KALRN: variants seen among roughly 807,000 people sequenced by gnomAD.
KALRN encodes kalirin RhoGEF kinase.
KALRN carries 70 observed loss-of-function variants against 353.7 expected under a neutral mutation model. That is an observed-to-expected ratio of 0.20 (90% confidence interval 0.16 to 0.24). The LOEUF (loss-of-function observed/expected upper bound fraction) is 0.24, where lower values mean the gene tolerates loss of function less well. Among genes scored for constraint, KALRN ranks in the 10% least tolerant of loss-of-function variants. KALRN has a pLI of 1.00. For missense variants in KALRN, 2,791 were observed against 3,756.7 expected, an observed-to-expected ratio of 0.74 and a Z score of 6.72; for synonymous variants, 1,391 against 1,434.8, an observed-to-expected ratio of 0.97 and a Z score of 0.69.
chr3:124,420,111 C>G (rs1444335051), intron 14 of KALRN, among the ~76,000 whole-genome samples: 1 of 152,198 alleles, frequency 6.6e-6, no homozygotes, highest in Non-Finnish European at 1.5e-5. Flanking sequence ...TGCAGAGGTG[C>G]AATAAGCACT....
chr3:124,632,679 C>T lies in KALRN; in HGVS notation c.5442C>T (p.Thr1814=). 1 of 1,614,154 alleles carries T rather than the reference C, an allele frequency of 6.2e-7. No individual in the cohort carries two copies. Among genetic ancestry groups the T allele is most frequent in the Non-Finnish European group, 8.5e-7 (1 of 1,180,004 alleles). Residue 1814 remains threonine, a synonymous_variant, in exon 35 of 60, where the codon ACC becomes ACT. Transcript: ENST00000682506. The part of the protein sequence containing the change: ...LGSPKPGDET[T]PQGDSADESK... ...CTCCCAAGCCTGGGGATGAAACAAC[C>T]CCTCAGGGAGACAGCGCTGATGAGG...
In KALRN at chr3:124,308,517, T is replaced by C. The variant is rs560927592; in HGVS notation, c.1092+9604T>C. ...AATTAGAAATCGGTAACAGAAAGAA[T>C]TTCAGAAATTCACGAATAGGTGGAA... On this transcript the variant is annotated intron_variant, in intron 6 of 59. Transcript: ENST00000682506. 2.6e-5 allele frequency among the ~76,000 whole-genome samples: 4 copies of C among 152,030 alleles called. 1 individual carries two copies. The highest frequency in any genetic ancestry group is 9.6e-5 in the African/African-American group (4 of 41,538).
intron 36 of KALRN, among the ~76,000 whole-genome samples, chr3:124,636,227 A>G (rs796254262): frequency 2.0e-5 from 3 of 152,330 alleles, no homozygotes; most frequent in African/African-American, 7.2e-5. Flanking sequence ...GAAGGAGCCT[A>G]TGTCCTGGCC....
Position 124,192,236 on chromosome 3 carries a change from C to T in KALRN, c.74-35754C>T, listed in dbSNP as rs180755427. 2.4e-4 allele frequency among the ~76,000 whole-genome samples: 37 copies of T among 152,302 alleles called. No homozygotes were observed. The East Asian group carries it at 6.9e-3, about 29-fold the overall frequency. On this transcript the variant is annotated intron_variant, in intron 1 of 59. Coordinates refer to ENST00000682506, the MANE Select transcript of KALRN (RefSeq NM_001388419.1). Reference sequence around the variant, plus strand: ...GTCATTTGCAACAACATGGATGGAACTGGAGGCCATTATGTTAAGTGAAAT... The same window carrying T: ...GTCATTTGCAACAACATGGATGGAATTGGAGGCCATTATGTTAAGTGAAAT...
chr3:124,065,460 A>C (rs921894343), intron 1 of KALRN, among the ~76,000 whole-genome samples: 1 of 152,202 alleles, frequency 6.6e-6, no homozygotes, highest in African/African-American at 2.4e-5. Context: ...TAAGAGATTC[A>C]TATTGTAGTA....
At chr3:124,232,882 G>GAA (rs201346262) in intron 2 of KALRN, among the ~76,000 whole-genome samples, 8 of 147,570 alleles carry the variant, frequency 5.4e-5, no homozygotes, top group Non-Finnish European at 1.0e-4. Context: ...GTCAGACAGG[G>GAA]AAAAAAAAAA....
chr3:124,458,138 T>C (rs2059508013), intron 23 of KALRN, among the ~76,000 whole-genome samples: 1 of 151,968 alleles, frequency 6.6e-6, no homozygotes. Context: ...TAGCCGGGCA[T>C]GGTAGCACAC....
intron 11 of KALRN, among the ~76,000 whole-genome samples, chr3:124,391,265 G>A (rs958666774): frequency 2.6e-5 from 4 of 152,080 alleles, no homozygotes; most frequent in African/African-American, 9.7e-5. Context: ...TTTCTGGGGA[G>A]GGGGTGGGTT....
intron 26 of KALRN, among the ~76,000 whole-genome samples, chr3:124,475,455 A>G (rs887240519): frequency 1.3e-5 from 2 of 152,194 alleles, no homozygotes; most frequent in Non-Finnish European, 2.9e-5. Flanking sequence ...ACAATATATG[A>G]ATGCAAACAT....
intron 34 of KALRN, among the ~76,000 whole-genome samples, chr3:124,597,067 AAC>A: frequency 7.5e-6 from 1 of 134,190 alleles, no homozygotes; most frequent in East Asian, 2.7e-4. Flanking sequence ...CAAAAACAAA[AAC>A]ACAAACAAAA....
At chr3:124,448,411 A>G (rs1472670442) in intron 21 of KALRN, among the ~76,000 whole-genome samples, 2 of 152,148 alleles carry the variant, frequency 1.3e-5, no homozygotes, top group Admixed American at 6.5e-5. Flanking sequence ...ATAATGCTCC[A>G]CAACTCTACA....
intron 1 of KALRN, among the ~76,000 whole-genome samples, chr3:124,055,818 G>A (rs2041478626): frequency 6.6e-6 from 1 of 152,154 alleles, no homozygotes; most frequent in African/African-American, 2.4e-5. Context: ...GAGGGCAATC[G>A]CTTTACATCT....
intron 1 of KALRN, among the ~76,000 whole-genome samples, chr3:124,091,524 G>C (rs559365862): frequency 6.6e-6 from 1 of 152,250 alleles, no homozygotes; most frequent in South Asian, 2.1e-4. Context: ...TTTCAAGTTG[G>C]GGTGGGTGAA....
intron 1 of KALRN, among the ~76,000 whole-genome samples, chr3:124,189,137 G>T (rs1342397639): frequency 6.6e-6 from 1 of 152,120 alleles, no homozygotes. Context: ...AGCTATCAGG[G>T]TCTCGCTTAT....
intron 11 of KALRN, 23 bp from the exon 12 acceptor site, chr3:124,395,112 G>C (rs2089987153): frequency 3.1e-6 from 5 of 1,593,848 alleles, no homozygotes; most frequent in Non-Finnish European, 4.3e-6. Flanking sequence ...TCCCTGAGTG[G>C]AATCTCTGCT....
intron 25 of KALRN, among the ~76,000 whole-genome samples, chr3:124,470,534 T>TA (rs11295872): frequency 4.8e-5 from 7 of 146,120 alleles, no homozygotes; most frequent in Admixed American, 4.1e-4. Context: ...ATAGGTTTTT[T>TA]AAAAAAAAAA....
chr3:124,261,170 G>A (rs768439443), intron 3 of KALRN, among the ~76,000 whole-genome samples: 33 of 151,742 alleles, frequency 2.2e-4, no homozygotes, highest in South Asian at 4.2e-4. Context: ...GATTATATGC[G>A]TGAGCCAGCC....
At chr3:124,570,134 T>C (rs2073351046) in intron 34 of KALRN, among the ~76,000 whole-genome samples, 1 of 152,242 alleles carries the variant, frequency 6.6e-6, no homozygotes, top group African/African-American at 2.4e-5. Flanking sequence ...TACTTTTCAG[T>C]ATAATTCTGC....
In KALRN at chr3:124,334,546, G is replaced by C; in HGVS notation, c.1647+51G>C. ...CATTATCCATTCTAGGAGGCAGACC[G>C]AGCTCAAGTCCCTGACCTAGGTGAT... is the stretch of plus-strand genomic sequence containing the variant. On this transcript the variant is annotated intron_variant, in intron 9 of 59. Transcript: ENST00000682506. The surrounding 1 kb of genome is among the most constrained non-coding windows in gnomAD (Gnocchi z 4.2). 1 of 1,340,602 alleles carries C rather than the reference G, an allele frequency of 7.5e-7. No homozygotes were observed. The highest frequency in any genetic ancestry group is 1.0e-6 in the Non-Finnish European group (1 of 955,726). The allele number at this position is 1,340,602 out of a possible 1,614,324, so 83.0% of individuals were successfully genotyped here.
Sources: gnomAD v4.1 joint callset for allele counts (sites outside exome capture counted in the v4.1 genomes callset) on GRCh38, gnomAD v4.1.1 for gene constraint, Gnocchi (gnomAD v3.1) non-coding constraint, MANE v1.5 for transcripts, NCBI Gene and HGNC (gene_info 2026-07-23, HGNC 2026-07-21) for gene names.